Variants in RIMS2 observed in about 807,000 individuals in gnomAD.
RIMS2 encodes the protein regulating synaptic membrane exocytosis 2.
Under a neutral mutation model 174.4 loss-of-function variants are expected in RIMS2, and 59 were observed. That is an observed-to-expected ratio of 0.34 (90% CI 0.27 to 0.42). The LOEUF is 0.42. RIMS2 is among the 10% of genes least tolerant of loss of function. RIMS2 has a pLI of 1.00. For missense variants in RIMS2, 1,620 were observed against 1,666.3 expected (o/e 0.97, Z 0.48); for synonymous variants, 606 against 572.5 (o/e 1.06, Z -0.84).
chr8:104,166,717 G>C (rs1489897814), intron 19 of RIMS2, among the ~76,000 whole-genome samples: 1 of 151,272 alleles, frequency 6.6e-6, no homozygotes, highest in Non-Finnish European at 1.5e-5. Flanking sequence ...GAGTTACACA[G>C]TTTTATATTT....
At chr8:103,732,171 A>G (rs1343060847) in intron 2 of RIMS2, among the ~76,000 whole-genome samples, 1 of 152,224 alleles carries the variant, frequency 6.6e-6, no homozygotes, top group East Asian at 1.9e-4. Context: ...CCCCCAGCCC[A>G]TTAATGCTGT....
intron 19 of RIMS2, among the ~76,000 whole-genome samples, chr8:104,040,396 T>G (rs1439409022): frequency 6.6e-6 from 1 of 151,690 alleles, no homozygotes; most frequent in Non-Finnish European, 1.5e-5. Flanking sequence ...GGAAGAAATT[T>G]TTTCTTAGAA....
At position 103,952,166 on chromosome 8, in the gene RIMS2, T is replaced by TG. The variant is rs369664774; in HGVS notation, c.2702-8894dup. Among the ~76,000 whole-genome samples the TG allele has an allele frequency of 8.0e-3, 1,225 of 152,218 alleles. 14 individuals are homozygous for TG. Among genetic ancestry groups the TG allele is most frequent in the African/African-American group, 0.027 (1,123 of 41,538 alleles). On this transcript the variant is annotated intron_variant, in intron 14 of 23. Coordinates refer to ENST00000504942, the Ensembl canonical transcript of RIMS2. ...CAGAGCACCTGGGGGAAGGAGCGGT[T>TG]GGGGGCGCAGCTTCAGCAGACTTAA...
chr8:103,852,855 G>A (rs1182080448), intron 3 of RIMS2, among the ~76,000 whole-genome samples: 9 of 152,042 alleles, frequency 5.9e-5, no homozygotes, highest in Non-Finnish European at 8.8e-5. Flanking sequence ...GAACAGCACC[G>A]CCACGAACAT....
At chr8:103,859,918 A>G (rs2099049533) in intron 3 of RIMS2, among the ~76,000 whole-genome samples, 1 of 152,032 alleles carries the variant, frequency 6.6e-6, no homozygotes, top group South Asian at 2.1e-4. Flanking sequence ...TTAGGAACTC[A>G]GTGGACAGAC....
rs58750334 is a variant in RIMS2 at position 103,985,473 on chromosome 8, CAAAAAAAAAAAAA to C, written c.2928-3814_2928-3802del. Among the ~76,000 whole-genome samples, 279 of 36,186 alleles carry C rather than the reference CAAAAAAAAAAAAA, an allele frequency of 7.7e-3. 6 individuals carry two copies. Among genetic ancestry groups the C allele is most frequent in the African/African-American group, 0.034 (220 of 6,560 alleles). The allele number at this position is 36,186 out of a possible 152,430, so 23.7% of individuals were successfully genotyped here. ...TGGGCAACAAAGCAAGACTCTGTCT[CAAAAAAAAAAAAA>C]AAAAAAAAAAAAAAAAAGAGTATAA... On this transcript the variant is annotated intron_variant, in intron 16 of 23. Coordinates refer to ENST00000504942, the Ensembl canonical transcript of RIMS2.
At chr8:104,107,374 GT>G (rs773021173) in intron 19 of RIMS2, among the ~76,000 whole-genome samples, 6 of 152,046 alleles carry the variant, frequency 3.9e-5, no homozygotes, top group Non-Finnish European at 8.8e-5. Flanking sequence ...CCCTGTGATA[GT>G]TTTTTAAGTA....
intron 19 of RIMS2, among the ~76,000 whole-genome samples, chr8:104,240,935 C>A (rs1351013585): frequency 6.6e-6 from 1 of 152,018 alleles, no homozygotes; most frequent in African/African-American, 2.4e-5. Context: ...CTACCTCATT[C>A]CTAATGAGGT....
intron 1 of RIMS2, among the ~76,000 whole-genome samples, chr8:103,607,803 G>T (rs2095186441): frequency 7.5e-6 from 1 of 133,406 alleles, no homozygotes; most frequent in Non-Finnish European, 1.6e-5. Flanking sequence ...CGGCTCCTGA[G>T]GCTTCTGCAT....
intron 19 of RIMS2, among the ~76,000 whole-genome samples, chr8:104,167,847 A>G (rs984817585): frequency 1.3e-5 from 2 of 151,916 alleles, no homozygotes; most frequent in South Asian, 2.1e-4. Context: ...TGAGTTTTAT[A>G]TAAGGTGAGA....
rs536664878 is a variant in RIMS2 at position 103,741,267 on chromosome 8, A to T, written c.388-24960A>T. ...AGTACAGACCCAGATAGAATTCAAC[A>T]TCAATTCTATTTCTATTTCCTTCGT... On this transcript the variant is annotated intron_variant, in intron 2 of 23. Coordinates refer to ENST00000504942, the Ensembl canonical transcript of RIMS2. 1.2e-4 allele frequency among the ~76,000 whole-genome samples: 18 copies of T among 152,186 alleles called. No individual in the cohort carries two copies. The South Asian group carries it at 3.5e-3, about 30-fold the overall frequency.
chr8:104,211,074 T>C (rs2099103167), intron 19 of RIMS2, among the ~76,000 whole-genome samples: 1 of 152,220 alleles, frequency 6.6e-6, no homozygotes, highest in South Asian at 2.1e-4. Context: ...CAAAATCTAA[T>C]TTATTTTATT....
chr8:103,575,679 C>CATATATATATATATAT lies in RIMS2; in HGVS notation c.176+74618_176+74619insTATATATATATATATA, dbSNP rs112166531. On this transcript the variant is annotated intron_variant, in intron 1 of 23. Coordinates refer to ENST00000504942, the Ensembl canonical transcript of RIMS2. Reference sequence around the variant, plus strand: ...ATATATAAACACACACATACACACACACACACATATATATATATATACACA... The same window carrying CATATATATATATATAT: ...ATATATAAACACACACATACACACACATATATATATATATATACACACATATATATATATATACACA... 3.7e-4 allele frequency among the ~76,000 whole-genome samples: 52 copies of CATATATATATATATAT among 141,026 alleles called. No homozygotes were observed. In the East Asian group the frequency reaches 5.0e-3, roughly 13 times the overall value. The allele number at this position is 141,026 out of a possible 152,430, so 92.5% of individuals were successfully genotyped here.
At chr8:104,102,469 ATAT>A (rs2097920834) in intron 19 of RIMS2, among the ~76,000 whole-genome samples, 1 of 152,324 alleles carries the variant, frequency 6.6e-6, no homozygotes, top group Admixed American at 6.5e-5. Context: ...ATAACTTGAG[ATAT>A]TATCTCTCAT....
chr8:104,221,784 C>G (rs1294284871), intron 19 of RIMS2, among the ~76,000 whole-genome samples: 4 of 152,058 alleles, frequency 2.6e-5, no homozygotes, highest in African/African-American at 9.7e-5. Context: ...AGGATTATTA[C>G]TTGTATGCAT....
At chr8:103,795,691 C>G (rs1343557463) in intron 3 of RIMS2, among the ~76,000 whole-genome samples, 1 of 152,086 alleles carries the variant, frequency 6.6e-6, no homozygotes, top group Non-Finnish European at 1.5e-5. Flanking sequence ...ATACACAATT[C>G]TCTGATTTTT....
intron 2 of RIMS2, among the ~76,000 whole-genome samples, chr8:103,726,054 C>A (rs937734859): frequency 6.6e-6 from 1 of 152,116 alleles, no homozygotes; most frequent in Admixed American, 6.5e-5. Flanking sequence ...TCTATATATA[C>A]TGAACAAATA....
chr8:103,633,035 T>C (rs1428899652), intron 1 of RIMS2, among the ~76,000 whole-genome samples: 1 of 148,468 alleles, frequency 6.7e-6, no homozygotes, highest in Non-Finnish European at 1.5e-5. Context: ...GCCAGGCCTT[T>C]TTTTTTTTTG....
intron 3 of RIMS2, among the ~76,000 whole-genome samples, chr8:103,849,356 A>G (rs2098984963): frequency 6.6e-6 from 1 of 152,072 alleles, no homozygotes; most frequent in African/African-American, 2.4e-5. Flanking sequence ...TTCTGTACAC[A>G]TGAGTTAATG....
Sources: gnomAD v4.1 joint callset for allele counts (sites outside exome capture counted in the v4.1 genomes callset) on GRCh38, gnomAD v4.1.1 for gene constraint, MANE v1.5 for transcripts, NCBI Gene and HGNC (gene_info 2026-07-23, HGNC 2026-07-21) for gene names.